ATP13A2: variants seen among roughly 807,000 people sequenced by gnomAD.
ATP13A2 encodes polyamine-transporting ATPase 13A2.
In ATP13A2, 83 loss-of-function variants were observed where a neutral mutation model predicts 138.3. That is an observed-to-expected ratio of 0.60 (90% CI 0.50 to 0.72). ATP13A2 has a LOEUF of 0.72. Ranked by LOEUF, ATP13A2 falls within the 30% of genes least tolerant of loss-of-function variation. ATP13A2 has a pLI of 0.00. For synonymous variants in ATP13A2, 663 were observed against 699.0 expected, an observed-to-expected ratio of 0.95 and a Z score of 0.81; for missense variants, 1,402 against 1,606.4, an observed-to-expected ratio of 0.87 and a Z score of 2.17.
At position 17,004,708 on chromosome 1, in the gene ATP13A2, G is replaced by A. The variant is rs376169767; in HGVS notation, c.461C>T (p.Ala154Val). The A allele has an allele frequency of 4.2e-5, 68 of 1,614,114 alleles. No individual in the cohort carries two copies. Among genetic ancestry groups the A allele is most frequent in the Admixed American group, 1.0e-4 (6 of 60,030 alleles). Residue 154 changes from alanine (A) to valine (V), a missense_variant, in exon 5 of 29, where the codon GCG (alanine) becomes GTG (valine). By Grantham distance (64) the Ala-to-Val change is moderately conservative. Coordinates refer to ENST00000326735, the MANE Select transcript of ATP13A2 (RefSeq NM_022089.4). This position sits in a 1 kb window ranked among gnomAD's most constrained non-coding sequence, Gnocchi z 4.1. ...AGAACCCACCTGTCCGACACTCACCGCCTCCTCGCTCTTGTGGAGCTGGGC... is the reference window on the plus strand; with the variant it reads ...AGAACCCACCTGTCCGACACTCACCACCTCCTCGCTCTTGTGGAGCTGGGC... Reference protein sequence around the residue: ...DTAQLHKSEEAVSVGQKRVLR... With the variant: ...DTAQLHKSEEVVSVGQKRVLR...
chr1:16,995,932 G>C lies in ATP13A2; in HGVS notation c.1542+44C>G. The C allele has an allele frequency of 6.2e-7, 1 of 1,611,690 alleles. No homozygotes were observed. ...GTGTGGAGGCCTCACTGGGGCGCCT[G>C]TGGCTGTCCCGCTCCCCTGCACCAA... On this transcript the variant is annotated intron_variant, in intron 15 of 28. Transcript: ENST00000326735. This position sits in a 1 kb window ranked among gnomAD's most constrained non-coding sequence, Gnocchi z 4.1.
chr1:17,005,754 G>C lies in ATP13A2; in HGVS notation c.35C>G (p.Thr12Arg), dbSNP rs151117874. 6.2e-7 allele frequency: 1 copy of C among 1,612,384 alleles called. No individual in the cohort carries two copies. Among genetic ancestry groups the C allele is most frequent in the Non-Finnish European group, 8.5e-7 (1 of 1,179,242 alleles). The change falls in exon 2 of 29, where the codon ACG (threonine) becomes AGG (arginine). Residue 12 changes from threonine (T) to arginine (R), a missense_variant. Physicochemically the swap from Thr to Arg is moderately conservative, Grantham distance 71. Transcript: ENST00000326735. ...SADSSPLVGS[T>R]PTGYGTLTIG... ...CGTCAGGGTCCCATAACCGGTGGGCGTGCTGCCCACGAGAGGGCTGCTGTC... is the reference window on the plus strand; with the variant it reads ...CGTCAGGGTCCCATAACCGGTGGGCCTGCTGCCCACGAGAGGGCTGCTGTC...
chr1:17,005,754 G>A lies in ATP13A2; in HGVS notation c.35C>T (p.Thr12Met), dbSNP rs151117874. 1.8e-4 allele frequency: 294 copies of A among 1,612,268 alleles called. No homozygotes were observed. The highest frequency in any genetic ancestry group is 2.3e-4 in the Non-Finnish European group (270 of 1,179,250). The change falls in exon 2 of 29, where the codon ACG becomes ATG. Residue 12 changes from threonine to methionine, a missense_variant. Transcript: ENST00000326735. ...CGTCAGGGTCCCATAACCGGTGGGC[G>A]TGCTGCCCACGAGAGGGCTGCTGTC... ...SADSSPLVGS[T>M]PTGYGTLTIG...
In ATP13A2 at chr1:16,986,169, T is replaced by G; in HGVS notation, c.*52A>C. On this transcript the variant is annotated 3_prime_UTR_variant, in exon 29 of 29. Coordinates refer to ENST00000326735, the MANE Select transcript of ATP13A2 (RefSeq NM_022089.4). This position sits in a 1 kb window ranked among gnomAD's most constrained non-coding sequence, Gnocchi z 6.9. ...TGGTGTTGCTGGAGAGGGGTCCAGTTGGTGGCTCAGAGGCAGGGAGTTCCA... is the reference window on the plus strand; with the variant it reads ...TGGTGTTGCTGGAGAGGGGTCCAGTGGGTGGCTCAGAGGCAGGGAGTTCCA... The G allele has an allele frequency of 6.2e-7, 1 of 1,611,160 alleles. No individual in the cohort carries two copies. Among genetic ancestry groups the G allele is most frequent in the Non-Finnish European group, 8.5e-7 (1 of 1,179,134 alleles).
At chr1:16,993,446 C>T (rs977110309) in intron 16 of ATP13A2, among the ~76,000 whole-genome samples, 183 bp downstream of exon 16, 2 of 152,202 alleles carry the variant, frequency 1.3e-5, no homozygotes, top group African/African-American at 4.8e-5. Context: ...AAGTGATCCT[C>T]CCGTCTTGGC....
Position 16,997,101 on chromosome 1 carries a change from GC to G in ATP13A2, c.1113del (p.His372ThrfsTer24), listed in dbSNP as rs1377055875. The G allele has an allele frequency of 1.9e-6, 3 of 1,613,740 alleles. No homozygotes were observed. The highest frequency in any genetic ancestry group is 2.5e-6 in the Non-Finnish European group (3 of 1,180,024). ...ATGAGGGTCCCGCAGAAGAGTGTGT[GC>G]CGCCGGTGTGTCTCTGCACAGTAGG... Reference protein sequence around the residue: ...LGPYCAETHRRHTLFCGTLIL... With the variant: ...LGPYCAETHRXHTLFCGTLIL... On this transcript the variant is annotated frameshift_variant, in exon 12 of 29. Coordinates refer to ENST00000326735, the MANE Select transcript of ATP13A2 (RefSeq NM_022089.4). LOFTEE classifies it high-confidence loss of function.
chr1:16,997,709 T>C (rs2077193409), intron 11 of ATP13A2, among the ~76,000 whole-genome samples: 1 of 151,852 alleles, frequency 6.6e-6, no homozygotes, highest in African/African-American at 2.4e-5. Flanking sequence ...GGTGTTGTGG[T>C]GGGCATCTGT....
chr1:16,986,733 A>G lies in ATP13A2; in HGVS notation c.3235+72T>C. 1 of 1,579,404 alleles carries G rather than the reference A, an allele frequency of 6.3e-7. No homozygotes were observed. Among genetic ancestry groups the G allele is most frequent in the Non-Finnish European group, 8.6e-7 (1 of 1,166,510 alleles). On this transcript the variant is annotated intron_variant, in intron 27 of 28. Coordinates refer to ENST00000326735, the MANE Select transcript of ATP13A2 (RefSeq NM_022089.4). The surrounding 1 kb of genome is among the most constrained non-coding windows in gnomAD (Gnocchi z 6.9). The stretch of plus-strand genomic sequence containing the variant: ...TCCACTCGGCCGGCACCTCTCTCCC[A>G]TCTGCCTCCCCAGCACCCCAGGGCT...
intron 3 of ATP13A2, 72 bp from the exon 4 acceptor site, chr1:17,005,144 C>A (rs1221615113): frequency 6.3e-6 from 10 of 1,593,876 alleles, no homozygotes; most frequent in Non-Finnish European, 7.7e-6. Flanking sequence ...TACAGCCAGG[C>A]GGCCCCTGCT....
intron 1 of ATP13A2, among the ~76,000 whole-genome samples, chr1:17,007,432 T>C (rs1351103832): frequency 1.3e-5 from 2 of 152,128 alleles, no homozygotes; most frequent in Non-Finnish European, 2.9e-5. Flanking sequence ...ATCTGTGGTT[T>C]CACAAGAGCC....
At chr1:16,988,997 G>A (rs2076831213) in intron 23 of ATP13A2, among the ~76,000 whole-genome samples, 1 of 151,752 alleles carries the variant, frequency 6.6e-6, no homozygotes, top group Non-Finnish European at 1.5e-5. Context: ...CGTGATCTCT[G>A]CTCACTACAA....
Position 16,988,485 on chromosome 1 carries a change from G to A in ATP13A2, c.2610-11C>T, listed in dbSNP as rs2076814558. On this transcript the variant is annotated splice_polypyrimidine_tract_variant and intron_variant, in intron 23 of 28. Transcript: ENST00000326735. ...ATGCCCACGCAGTACCTGAAGAGAG[G>A]TGTGGACAGGTGTGGCCTGGGGAAT... 1.2e-6 allele frequency: 2 copies of A among 1,613,522 alleles called. No individual in the cohort carries two copies. The highest frequency in any genetic ancestry group is 2.7e-5 in the African/African-American group (2 of 75,068).
Position 16,985,991 on chromosome 1 carries a change from T to C in ATP13A2, c.*230A>G, listed in dbSNP as rs2100615943. The C allele has an allele frequency of 2.8e-6, 4 of 1,447,298 alleles. No homozygotes were observed. The highest frequency in any genetic ancestry group is 3.6e-6 in the Non-Finnish European group (4 of 1,098,376). The allele number at this position is 1,447,298 out of a possible 1,614,324, so 89.7% of individuals were successfully genotyped here. ...AATATCATGACTTTATTTGCTACAC[T>C]GACAGCAGCACTGAGGGGAGCTGGG... On this transcript the variant is annotated 3_prime_UTR_variant, in exon 29 of 29. Coordinates refer to ENST00000326735, the MANE Select transcript of ATP13A2 (RefSeq NM_022089.4).
intron 16 of ATP13A2, among the ~76,000 whole-genome samples, 176 bp downstream of exon 16, chr1:16,993,453 T>C (rs2077005314): frequency 6.6e-6 from 1 of 152,168 alleles, no homozygotes; most frequent in African/African-American, 2.4e-5. Flanking sequence ...CCTCCCGTCT[T>C]GGCCTCCCAA....
chr1:17,007,881 C>T (rs1279527524), intron 1 of ATP13A2, among the ~76,000 whole-genome samples: 1 of 151,128 alleles, frequency 6.6e-6, no homozygotes. Context: ...CCAAAGAGTC[C>T]AGAGTGCCCC....
intron 8 of ATP13A2, 149 bp downstream of exon 8, chr1:17,001,885 T>C: frequency 1.2e-6 from 1 of 810,688 alleles, no homozygotes; most frequent in Non-Finnish European, 1.9e-6. Context: ...CTAGGCTGAC[T>C]GCGGCAGGTT....
In ATP13A2 at chr1:16,995,946, C is replaced by A. The variant is rs757426006; in HGVS notation, c.1542+30G>T. ...CTGGGGCGCCTGTGGCTGTCCCGCT[C>A]CCCTGCACCAACCCCACCTGCGGCC... is the stretch of plus-strand genomic sequence containing the variant. On this transcript the variant is annotated intron_variant, in intron 15 of 28. Transcript: ENST00000326735. The surrounding 1 kb of genome is among the most constrained non-coding windows in gnomAD (Gnocchi z 4.1). 3.0e-5 allele frequency: 48 copies of A among 1,612,986 alleles called. No homozygotes were observed. In the Admixed American group the frequency reaches 7.8e-4, roughly 26 times the overall value.
At chr1:16,993,491 AGCCACTGC>A (rs1184933559) in intron 16 of ATP13A2, 130 bp downstream of exon 16, 18 of 894,258 alleles carry the variant, frequency 2.0e-5, no homozygotes, top group Non-Finnish European at 3.0e-5. Flanking sequence ...TACAGGTGTG[AGCCACTGC>A]GCCTGGCCTA....
intron 1 of ATP13A2, among the ~76,000 whole-genome samples, chr1:17,009,387 CTTTTTT>C (rs1161920218): frequency 5.2e-5 from 6 of 116,502 alleles, no homozygotes; most frequent in South Asian, 2.9e-4. Flanking sequence ...GAGCCTCTTC[CTTTTTT>C]TTTTTTTTTT....
Sources: allele counts gnomAD v4.1 joint callset (sites outside exome capture counted in the v4.1 genomes callset), GRCh38; gene constraint gnomAD v4.1.1; non-coding constraint Gnocchi (gnomAD v3.1); transcripts MANE v1.5; gene names NCBI Gene and HGNC (gene_info 2026-07-23, HGNC 2026-07-21).